The following ATP8B4 variants were observed in gnomAD, a reference collection of about 807,000 sequenced individuals.
The protein encoded by ATP8B4 is probable phospholipid-transporting ATPase IM.
In ATP8B4, 133 loss-of-function variants were observed where a neutral mutation model predicts 145.6. The observed-to-expected ratio is 0.91, with a 90% CI of 0.79 to 1.05. The LOEUF (loss-of-function observed/expected upper bound fraction) is 1.05. ATP8B4 is among the 50% of genes least tolerant of loss of function. ATP8B4 has a pLI of 0.00. For missense variants in ATP8B4, 1,458 were observed against 1,425.2 expected (o/e 1.02, Z -0.37); for synonymous variants, 507 against 492.9 (o/e 1.03, Z -0.38).
chr15:50,177,945 G>C (rs1286833096), intron 1 of ATP8B4, among the ~76,000 whole-genome samples: 1 of 152,164 alleles, frequency 6.6e-6, no homozygotes, highest in East Asian at 1.9e-4. Context: ...ACTTTGAAGG[G>C]GGTAGGGAAG....
intron 1 of ATP8B4, among the ~76,000 whole-genome samples, chr15:50,109,429 C>A (rs1401497897): frequency 6.6e-6 from 1 of 151,884 alleles, no homozygotes; most frequent in Non-Finnish European, 1.5e-5. Context: ...GCAACAAATA[C>A]AAAATGGTAT....
At chr15:49,957,609 C>T (rs568845286) in intron 14 of ATP8B4, among the ~76,000 whole-genome samples, 10 of 151,878 alleles carry the variant, frequency 6.6e-5, no homozygotes, top group South Asian at 4.2e-4. Flanking sequence ...CAAATATAAA[C>T]GAAAAATACT....
At chr15:50,024,913 C>T (rs1049188552) in intron 6 of ATP8B4, among the ~76,000 whole-genome samples, 5 of 152,082 alleles carry the variant, frequency 3.3e-5, no homozygotes, top group African/African-American at 4.8e-5. Flanking sequence ...GCTTGGTATC[C>T]GAGGACCTCA....
intron 6 of ATP8B4, among the ~76,000 whole-genome samples, chr15:50,024,745 G>A (rs776727745): frequency 1.3e-5 from 2 of 152,186 alleles, no homozygotes; most frequent in Non-Finnish European, 2.9e-5. Context: ...AGTAAGCATT[G>A]CTTCAAATCA....
chr15:49,909,258 G>A (rs2038965517), intron 20 of ATP8B4, among the ~76,000 whole-genome samples: 1 of 152,074 alleles, frequency 6.6e-6, no homozygotes, highest in African/African-American at 2.4e-5. Flanking sequence ...CCCAGAGACT[G>A]GAAGACAGAC....
chr15:50,140,945 C>A (rs1337237715), intron 1 of ATP8B4, among the ~76,000 whole-genome samples: 1 of 152,134 alleles, frequency 6.6e-6, no homozygotes, highest in Non-Finnish European at 1.5e-5. Flanking sequence ...ATACTGATCT[C>A]TCTAAGACAA....
chr15:49,896,268 A>G (rs2037387918), intron 23 of ATP8B4: 1 of 152,234 alleles, frequency 6.6e-6, no homozygotes, highest in Admixed American at 6.5e-5. Context: ...TAAAAAGAGA[A>G]AATTAGGAAT....
At chr15:49,989,601 T>C (rs1599660973) in intron 9 of ATP8B4, among the ~76,000 whole-genome samples, 1 of 151,922 alleles carries the variant, frequency 6.6e-6, no homozygotes, top group Admixed American at 6.6e-5. Flanking sequence ...AAGGGTGTGG[T>C]TCTAGACAGG....
intron 1 of ATP8B4, among the ~76,000 whole-genome samples, chr15:50,149,219 C>A (rs2044315969): frequency 6.6e-6 from 1 of 152,162 alleles, no homozygotes; most frequent in Admixed American, 6.5e-5. Flanking sequence ...GCTAGGTCTG[C>A]CGTAGTGCCC....
chr15:49,901,040 A>G, intron 21 of ATP8B4, 52 bp downstream of exon 21: 2 of 1,580,516 alleles, frequency 1.3e-6, no homozygotes, highest in Non-Finnish European at 1.7e-6. Context: ...CACAAAAGAG[A>G]TGATTATTGC....
chr15:49,887,999 CT>C (rs1201504248), intron 23 of ATP8B4, among the ~76,000 whole-genome samples: 1 of 152,206 alleles, frequency 6.6e-6, no homozygotes, highest in Non-Finnish European at 1.5e-5. Flanking sequence ...GTGTATCCCC[CT>C]TTTCCTATGT....
In ATP8B4 at chr15:50,010,685, C is replaced by T. The variant is rs868686702; in HGVS notation, c.435+160G>A. The stretch of plus-strand genomic sequence containing the variant: ...CAAGTTATTGAAACTAATAAATCAA[C>T]GTCTTTTAAAATATTTTATAATTGA... On this transcript the variant is annotated intron_variant, in intron 7 of 27. Coordinates refer to ENST00000284509, the MANE Select transcript of ATP8B4 (RefSeq NM_024837.4). Among the ~76,000 whole-genome samples, 9 of 152,156 alleles carry T rather than the reference C, an allele frequency of 5.9e-5. 1 individual carries two copies. The highest frequency in any genetic ancestry group is 4.2e-4 in the South Asian group (2 of 4,818).
intron 1 of ATP8B4, among the ~76,000 whole-genome samples, chr15:50,157,850 C>G (rs1032164200): frequency 3.5e-4 from 53 of 152,214 alleles, no homozygotes; most frequent in African/African-American, 1.3e-3. Context: ...ACTGCAACCT[C>G]CCTGCCTGAT....
intron 1 of ATP8B4, among the ~76,000 whole-genome samples, chr15:50,132,782 A>C (rs1195927599): frequency 7.2e-5 from 11 of 152,234 alleles, no homozygotes. Context: ...ATGCAGCCAC[A>C]AAAAAGGATG....
chr15:50,119,541 G>T (rs2057241284), upstream of ATP8B4: 1 of 152,168 alleles, frequency 6.6e-6, no homozygotes, highest in Non-Finnish European at 1.5e-5. Context: ...GGAAACAAAA[G>T]GAAACTCCCA....
intron 14 of ATP8B4, among the ~76,000 whole-genome samples, chr15:49,954,650 T>A (rs1486604593): frequency 6.6e-6 from 1 of 151,608 alleles, no homozygotes; most frequent in African/African-American, 2.4e-5. Flanking sequence ...GTCAGAAAAA[T>A]TTTTGTTAAA....
intron 9 of ATP8B4, among the ~76,000 whole-genome samples, chr15:49,992,912 T>C (rs2047148128): frequency 6.6e-6 from 1 of 152,182 alleles, no homozygotes; most frequent in African/African-American, 2.4e-5. Flanking sequence ...ACAATGTTGA[T>C]ATCCTATTTT....
intron 2 of ATP8B4, among the ~76,000 whole-genome samples, chr15:50,083,065 G>A (rs2054660202): frequency 1.3e-5 from 2 of 152,110 alleles, no homozygotes. Context: ...AGGGGGAAGA[G>A]CCCTCTCATC....
chr15:50,153,579 C>T (rs567900478), intron 1 of ATP8B4, among the ~76,000 whole-genome samples: 14 of 152,234 alleles, frequency 9.2e-5, no homozygotes, highest in Non-Finnish European at 1.6e-4. Flanking sequence ...CCTCGTGATC[C>T]GCCCGCCTTG....
Sources: gnomAD v4.1 joint callset for allele counts (sites outside exome capture counted in the v4.1 genomes callset) on GRCh38, gnomAD v4.1.1 for gene constraint, MANE v1.5 for transcripts, NCBI Gene and HGNC (gene_info 2026-07-23, HGNC 2026-07-21) for gene names.